NRCAM: variants seen among roughly 807,000 people sequenced by gnomAD.
NRCAM encodes NgCAM-related cell adhesion molecule.
A neutral mutation model predicts 156.5 loss-of-function variants in NRCAM; 83 were observed. The ratio of observed to expected loss-of-function variants is 0.53; its 90% CI spans 0.44 to 0.64. The LOEUF is 0.64. Ranked by LOEUF, NRCAM falls within the 30% of genes least tolerant of loss-of-function variation. NRCAM has a pLI of 0.00. For missense variants in NRCAM, 1,417 were observed against 1,597.3 expected (o/e 0.89, Z 1.92); for synonymous variants, 538 against 563.9 (o/e 0.95, Z 0.65).
chr7:108,297,151 C>A (rs1047570142), intron 3 of NRCAM, among the ~76,000 whole-genome samples: 3 of 152,216 alleles, frequency 2.0e-5, no homozygotes, highest in Non-Finnish European at 4.4e-5. Context: ...AGGATACTTG[C>A]TTCTCCAACT....
intron 3 of NRCAM, among the ~76,000 whole-genome samples, chr7:108,258,596 G>GT (rs1276534905): frequency 2.6e-5 from 4 of 152,168 alleles, no homozygotes; most frequent in African/African-American, 9.7e-5. Context: ...CTTAAATCCT[G>GT]GTGCTGTCAC....
intron 3 of NRCAM, among the ~76,000 whole-genome samples, chr7:108,280,930 G>T (rs2097838679): frequency 6.6e-6 from 1 of 152,134 alleles, no homozygotes; most frequent in African/African-American, 2.4e-5. Flanking sequence ...AGTCAGGAAG[G>T]TATTCAATAT....
intron 3 of NRCAM, among the ~76,000 whole-genome samples, chr7:108,263,385 G>C (rs984620624): frequency 6.6e-6 from 1 of 152,226 alleles, no homozygotes; most frequent in African/African-American, 2.4e-5. Context: ...TAGAAAGAAA[G>C]AAATCCTCTG....
rs766065380 is a variant in NRCAM, at chr7:108,181,878, C to T, written c.2590G>A (p.Val864Met). 1 of 1,614,140 alleles carries T rather than the reference C, an allele frequency of 6.2e-7. No individual in the cohort carries two copies. The highest frequency in any genetic ancestry group is 1.1e-5 in the South Asian group (1 of 91,068). Residue 864 changes from valine to methionine, a missense_variant, in exon 24 of 33, where the codon GTG (valine) becomes ATG (methionine). Val to Met is a conservative substitution (Grantham distance 21, BLOSUM62 1). Coordinates refer to ENST00000379028, the MANE Select transcript of NRCAM (RefSeq NM_001037132.4). ...TTCAGAGGTACTGGGTCCCAGTGCACCTCGGCTAAGGTACTGTTCACCACA... is the reference window on the plus strand; with the variant it reads ...TTCAGAGGTACTGGGTCCCAGTGCATCTCGGCTAAGGTACTGTTCACCACA... ...VNVVNSTLAE[V>M]HWDPVPLKSI...
chr7:108,178,238 G>A (rs2061706759), intron 25 of NRCAM, 126 bp from the exon 26 acceptor site: 3 of 891,724 alleles, frequency 3.4e-6, no homozygotes, highest in South Asian at 3.6e-5. Flanking sequence ...TGATTCAGCT[G>A]AAAATACATT....
chr7:108,358,394 G>C (rs986708508), intron 2 of NRCAM, among the ~76,000 whole-genome samples: 1 of 152,068 alleles, frequency 6.6e-6, no homozygotes, highest in Non-Finnish European at 1.5e-5. Context: ...GGCAGAGCAA[G>C]ACCTTGTCTC....
chr7:108,210,248 G>GTTT (rs1420152007), intron 11 of NRCAM, among the ~76,000 whole-genome samples: 1 of 88,366 alleles, frequency 1.1e-5, no homozygotes, highest in African/African-American at 3.9e-5. Flanking sequence ...CCAATGTTTT[G>GTTT]TTTTGTTTTT....
At chr7:108,225,578 A>T (rs112255237) in intron 10 of NRCAM, 67 bp downstream of exon 10, 1 of 893,982 alleles carries the variant, frequency 1.1e-6, no homozygotes, top group African/African-American at 1.6e-5. Context: ...ATAGTCATGG[A>T]GGTGAAGTTA....
At chr7:108,414,393 C>T (rs1798988969) in intron 1 of NRCAM, among the ~76,000 whole-genome samples, 1 of 152,154 alleles carries the variant, frequency 6.6e-6, no homozygotes, top group South Asian at 2.1e-4. Flanking sequence ...TCCATCTCCT[C>T]ATAAAACCTT....
chr7:108,272,548 G>A (rs1051188922), intron 3 of NRCAM, among the ~76,000 whole-genome samples: 1 of 151,854 alleles, frequency 6.6e-6, no homozygotes, highest in Non-Finnish European at 1.5e-5. Flanking sequence ...TTGATCATAG[G>A]GTACTGTTCT....
intron 3 of NRCAM, among the ~76,000 whole-genome samples, chr7:108,299,140 A>AGAAAGGAAGAAAGGAAGAAAGG (rs2098534668): frequency 9.1e-6 from 1 of 110,248 alleles, no homozygotes; most frequent in African/African-American, 3.5e-5. Flanking sequence ...GAAAGAAAGA[A>AGAAAGGAAGAAAGGAAGAAAGG]AAGAAAAGTA....
At chr7:108,204,852 C>G (rs2080235348) in intron 13 of NRCAM, among the ~76,000 whole-genome samples, 1 of 152,182 alleles carries the variant, frequency 6.6e-6, no homozygotes, top group Non-Finnish European at 1.5e-5. Flanking sequence ...TCTACCTACT[C>G]AGACAATTTA....
intron 3 of NRCAM, among the ~76,000 whole-genome samples, chr7:108,310,874 C>T (rs1417148769): frequency 2.6e-5 from 4 of 152,162 alleles, no homozygotes; most frequent in African/African-American, 9.7e-5. Flanking sequence ...GAAAGACCAA[C>T]AAGAAGTGTG....
At chr7:108,191,008 C>T (rs574072378) in intron 19 of NRCAM, among the ~76,000 whole-genome samples, 6 of 152,246 alleles carry the variant, frequency 3.9e-5, no homozygotes, top group East Asian at 3.9e-4. Context: ...TTTTATCAAA[C>T]GAAGTGATTT....
At chr7:108,450,575 CTT>C (rs1036017183) in intron 1 of NRCAM, among the ~76,000 whole-genome samples, 4 of 151,904 alleles carry the variant, frequency 2.6e-5, no homozygotes, top group African/African-American at 7.3e-5. Flanking sequence ...CAAATTTGCT[CTT>C]GTTCTAGATT....
intron 3 of NRCAM, among the ~76,000 whole-genome samples, chr7:108,300,778 G>A (rs1272604151): frequency 1.3e-5 from 2 of 152,004 alleles, no homozygotes; most frequent in African/African-American, 4.8e-5. Flanking sequence ...TGACTTAAGA[G>A]AAACTCAATC....
chr7:108,343,004 A>G (rs1257440852), intron 2 of NRCAM, among the ~76,000 whole-genome samples: 2 of 152,244 alleles, frequency 1.3e-5, no homozygotes, highest in African/African-American at 2.4e-5. Flanking sequence ...CATAACTGTC[A>G]ACAAGTAATT....
rs370091136 is a variant in NRCAM, at chr7:108,334,269, T to C, written c.-173-21538A>G. ...CCTTTACATGCTGCAGAACTGGAAA[T>C]TACCTTAAATATTTCAAACAGTTCA... On this transcript the variant is annotated intron_variant, in intron 2 of 32. Coordinates refer to ENST00000379028, the MANE Select transcript of NRCAM (RefSeq NM_001037132.4). Among the ~76,000 whole-genome samples the C allele has an allele frequency of 2.5e-3, 386 of 152,272 alleles. 3 individuals are homozygous for C. Among genetic ancestry groups the C allele is most frequent in the African/African-American group, 9.0e-3 (374 of 41,564 alleles).
intron 2 of NRCAM, among the ~76,000 whole-genome samples, chr7:108,368,235 C>CCCG (rs1307223310): frequency 1.1e-5 from 1 of 95,196 alleles, no homozygotes; most frequent in South Asian, 5.0e-4. Context: ...CCCCCCCCCA[C>CCCG]CCCCCCGCCT....
Sources: gnomAD v4.1 joint callset for allele counts (sites outside exome capture counted in the v4.1 genomes callset) on GRCh38, gnomAD v4.1.1 for gene constraint, MANE v1.5 for transcripts, NCBI Gene and HGNC (gene_info 2026-07-23, HGNC 2026-07-21) for gene names.